Variants in ISY1 observed in about 807,000 individuals in gnomAD.
ISY1 encodes the protein ISY1 spliceosome associated protein.
A neutral mutation model predicts 54.4 loss-of-function variants in ISY1; 12 were observed. That is an observed-to-expected ratio of 0.22 (90% CI 0.14 to 0.36). The LOEUF is 0.36. Ranked by LOEUF, ISY1 falls within the 10% of genes least tolerant of loss-of-function variation. The pLI is 1.00. For synonymous variants in ISY1, 96 were observed against 117.9 expected (o/e 0.81, Z 1.20); for missense variants, 282 against 342.2 (o/e 0.82, Z 1.39).
At chr3:129,151,873 T>A (rs963099344) in intron 5 of ISY1, among the ~76,000 whole-genome samples, 2 of 151,710 alleles carry the variant, frequency 1.3e-5, no homozygotes, top group African/African-American at 2.4e-5. Flanking sequence ...AAGTACTTTA[T>A]CAGGGCCGGG....
intron 7 of ISY1, among the ~76,000 whole-genome samples, chr3:129,135,190 T>C (rs748576915): frequency 6.6e-6 from 1 of 151,904 alleles, no homozygotes; most frequent in Non-Finnish European, 1.5e-5. Flanking sequence ...CTACTAAAAA[T>C]ACAAAAATTA....
At chr3:129,152,274 T>G (rs1936994988) in intron 5 of ISY1, among the ~76,000 whole-genome samples, 1 of 152,238 alleles carries the variant, frequency 6.6e-6, no homozygotes. Context: ...CTGCATCTAC[T>G]TAGATCATAC....
intron 1 of ISY1, 51 bp downstream of exon 1, chr3:129,160,922 C>G (rs1050042791): frequency 1.7e-6 from 1 of 586,762 alleles, no homozygotes; most frequent in Non-Finnish European, 3.2e-6. Context: ...CTGGGCGCCC[C>G]CCCGCCCGCC....
intron 9 of ISY1, among the ~76,000 whole-genome samples, chr3:129,131,925 G>C (rs993188365): frequency 6.6e-6 from 1 of 152,154 alleles, no homozygotes; most frequent in Non-Finnish European, 1.5e-5. Context: ...AACCCCCTGA[G>C]CTCAAGCAAT....
At chr3:129,142,749 A>C (rs1402237568) in intron 6 of ISY1, among the ~76,000 whole-genome samples, 2 of 151,798 alleles carry the variant, frequency 1.3e-5, no homozygotes, top group African/African-American at 4.8e-5. Flanking sequence ...ATTTCTACAA[A>C]AAATTTAAAA....
intron 5 of ISY1, among the ~76,000 whole-genome samples, chr3:129,154,760 C>G (rs927845959): frequency 6.7e-6 from 1 of 149,896 alleles, no homozygotes; most frequent in African/African-American, 2.4e-5. Flanking sequence ...GCGATCTCAG[C>G]TCACTGCAAG....
At chr3:129,135,521 T>C (rs760539506) in intron 7 of ISY1, among the ~76,000 whole-genome samples, 19 of 151,918 alleles carry the variant, frequency 1.3e-4, no homozygotes, top group South Asian at 4.1e-4. Flanking sequence ...ATCCCAGCAC[T>C]TTGGGAGGCC....
intron 7 of ISY1, among the ~76,000 whole-genome samples, chr3:129,137,660 C>T (rs1292926971): frequency 2.0e-5 from 3 of 152,090 alleles, no homozygotes; most frequent in South Asian, 4.2e-4. Context: ...GATGTTATCC[C>T]AGCACTTTGG....
In ISY1 at chr3:129,161,063, T is replaced by C. The variant is rs1194226173; in HGVS notation, c.-88A>G. 2.0e-6 allele frequency: 3 copies of C among 1,521,640 alleles called. No individual in the cohort carries two copies. The highest frequency in any genetic ancestry group is 5.0e-5 in the East Asian group (2 of 39,608). 94.3% of individuals were successfully genotyped at this position (1,521,640 alleles called of 1,614,324 possible). The stretch of plus-strand genomic sequence containing the variant: ...AGAAGACGCCGACGCTCACAGGAAC[T>C]GAAGATTCCAACTACCCACAGACAC... On this transcript the variant is annotated 5_prime_UTR_variant, in exon 1 of 11. Transcript: ENST00000393295.
At position 129,130,312 on chromosome 3, in the gene ISY1, A is replaced by T; in HGVS notation, c.751-124T>A. On this transcript the variant is annotated intron_variant, in intron 10 of 10. Transcript: ENST00000393295. ...GGAGTCTGATTTAAATACGCAGAAT[A>T]GTCTCCAAGAGTCCTAACTCCCTCC... The T allele has an allele frequency of 3.8e-6, 5 of 1,321,850 alleles. No homozygotes were observed. The South Asian group carries it at 7.8e-5, about 21-fold the overall frequency. The allele number at this position is 1,321,850 out of a possible 1,614,324, so 81.9% of individuals were successfully genotyped here. A position where few individuals can be genotyped will look rare whatever the true frequency, so the allele number is the denominator to read the frequency against.
At chr3:129,156,262 G>A (rs969137747) in intron 5 of ISY1, among the ~76,000 whole-genome samples, 4 of 151,832 alleles carry the variant, frequency 2.6e-5, no homozygotes, top group Admixed American at 6.6e-5. Context: ...AGCCGGGCGT[G>A]GTTGTGGGCA....
At chr3:129,143,231 G>C (rs1223858269) in intron 6 of ISY1, among the ~76,000 whole-genome samples, 5 of 151,338 alleles carry the variant, frequency 3.3e-5, no homozygotes, top group African/African-American at 4.9e-5. Context: ...AAGAGGCTGG[G>C]TGCAGTGGCT....
chr3:129,151,794 T>C (rs748827631), intron 5 of ISY1, among the ~76,000 whole-genome samples: 41 of 152,166 alleles, frequency 2.7e-4, no homozygotes, highest in Non-Finnish European at 2.5e-4. Context: ...CTTTGCCTCG[T>C]TCCTGATCTT....
chr3:129,140,202 C>G (rs955186351), intron 7 of ISY1, among the ~76,000 whole-genome samples, 166 bp downstream of exon 7: 42 of 152,324 alleles, frequency 2.8e-4, no homozygotes, highest in African/African-American at 1.0e-3. Flanking sequence ...GCCTATGATT[C>G]TATCCCAGTT....
At chr3:129,156,257 G>C (rs1407196217) in intron 5 of ISY1, among the ~76,000 whole-genome samples, 1 of 151,802 alleles carries the variant, frequency 6.6e-6, no homozygotes, top group Non-Finnish European at 1.5e-5. Flanking sequence ...AAATTAGCCG[G>C]GCGTGGTTGT....
chr3:129,129,837 G>A lies in ISY1; in HGVS notation c.*244C>T, dbSNP rs996013490. The stretch of plus-strand genomic sequence containing the variant: ...AAAATAAGACACAGGCAGCCAGTTC[G>A]CAACCTGTTGTATACACTCCACAAT... On this transcript the variant is annotated 3_prime_UTR_variant, in exon 11 of 11. Transcript: ENST00000393295. 48 of 356,720 alleles carry A rather than the reference G, an allele frequency of 1.3e-4. No homozygotes were observed. The highest frequency in any genetic ancestry group is 8.2e-4 in the African/African-American group (39 of 47,706). 22.1% of individuals were successfully genotyped at this position (356,720 alleles called of 1,614,324 possible).
intron 5 of ISY1, among the ~76,000 whole-genome samples, chr3:129,149,610 AATATATATAT>A (rs1199049568): frequency 0.027 from 653 of 24,626 alleles, 31 homozygotes; most frequent in African/African-American, 0.073. Context: ...AAAAAAAAAA[AATATATATAT>A]ATATATATAT....
In ISY1 at chr3:129,145,723, C is replaced by G. The variant is rs770842538; in HGVS notation, c.300+38G>C. 5.6e-6 allele frequency: 9 copies of G among 1,601,748 alleles called. No homozygotes were observed. In the South Asian group the frequency reaches 1.0e-4, roughly 18 times the overall value. On this transcript the variant is annotated intron_variant, in intron 6 of 10. Coordinates refer to ENST00000393295, the MANE Select transcript of ISY1 (RefSeq NM_020701.4). ...GCTGGGAACTGCTGTGGGTGGAAAACTAGACAAGACCCGCCACTGGGGCTG... is the reference window on the plus strand; with the variant it reads ...GCTGGGAACTGCTGTGGGTGGAAAAGTAGACAAGACCCGCCACTGGGGCTG...
At chr3:129,146,201 G>A (rs1936761422) in intron 5 of ISY1, among the ~76,000 whole-genome samples, 1 of 152,060 alleles carries the variant, frequency 6.6e-6, no homozygotes, top group South Asian at 2.1e-4. Flanking sequence ...AAGAGAGATG[G>A]GGAAACAGCA....
Sources: gnomAD v4.1 joint callset for allele counts (sites outside exome capture counted in the v4.1 genomes callset) on GRCh38, gnomAD v4.1.1 for gene constraint, MANE v1.5 for transcripts, NCBI Gene and HGNC (gene_info 2026-07-23, HGNC 2026-07-21) for gene names.